The following NEK1 variants were observed in gnomAD, a reference collection of about 807,000 sequenced individuals.
NEK1 encodes NIMA related kinase 1.
Under a neutral mutation model 182.1 loss-of-function variants are expected in NEK1, and 137 were observed. That is an observed-to-expected ratio of 0.75 (90% CI 0.65 to 0.87). NEK1 has a LOEUF of 0.87. NEK1 is among the 40% of genes least tolerant of loss of function. The pLI is 0.00. For synonymous variants in NEK1, 513 were observed against 492.2 expected, an observed-to-expected ratio of 1.04 and a Z score of -0.56; for missense variants, 1,391 against 1,494.4, an observed-to-expected ratio of 0.93 and a Z score of 1.14.
At chr4:169,441,155 C>G (rs1739374453) in intron 27 of NEK1, among the ~76,000 whole-genome samples, 1 of 152,220 alleles carries the variant, frequency 6.6e-6, no homozygotes, top group Admixed American at 6.5e-5. Flanking sequence ...AAAAAGGGAG[C>G]TGAAGCATGT....
intron 16 of NEK1, among the ~76,000 whole-genome samples, chr4:169,559,737 C>T (rs35867013): frequency 0.24 from 36,826 of 152,064 alleles, 4,692 homozygotes; most frequent in South Asian, 0.31. Context: ...AGGCTGGGCA[C>T]GGTGACTCAC....
chr4:169,508,476 A>C (rs1223293534), intron 20 of NEK1, 145 bp from the exon 21 acceptor site: 1 of 603,540 alleles, frequency 1.7e-6, no homozygotes, highest in Non-Finnish European at 2.7e-6. Context: ...TGGAAATGTA[A>C]TATTAGCTTT....
At chr4:169,522,501 A>C (rs1756240543) in intron 19 of NEK1, among the ~76,000 whole-genome samples, 1 of 152,252 alleles carries the variant, frequency 6.6e-6, no homozygotes, top group Admixed American at 6.5e-5. Context: ...GTCAAAGTTT[A>C]GCAATCGGCT....
At chr4:169,539,121 G>A (rs1186025267) in intron 18 of NEK1, among the ~76,000 whole-genome samples, 1 of 152,096 alleles carries the variant, frequency 6.6e-6, no homozygotes, top group Non-Finnish European at 1.5e-5. Context: ...GCTCTCAGAT[G>A]TGTCTGGGTA....
chr4:169,471,792 G>A (rs1746027932), intron 26 of NEK1, among the ~76,000 whole-genome samples: 1 of 152,072 alleles, frequency 6.6e-6, no homozygotes, highest in Admixed American at 6.5e-5. Context: ...TCCTGACTGG[G>A]GCTGCTACCT....
intron 32 of NEK1, among the ~76,000 whole-genome samples, chr4:169,404,025 T>C (rs1732146773): frequency 6.6e-6 from 1 of 152,066 alleles, no homozygotes; most frequent in Non-Finnish European, 1.5e-5. Flanking sequence ...AATTCTGTCA[T>C]CAATTGTTCA....
intron 18 of NEK1, among the ~76,000 whole-genome samples, chr4:169,546,843 C>A (rs1427367374): frequency 1.3e-5 from 2 of 152,164 alleles, no homozygotes; most frequent in African/African-American, 4.8e-5. Context: ...ATTCCTCCAT[C>A]CCTTTATTTT....
At chr4:169,444,324 A>G (rs1740081053) in intron 27 of NEK1, among the ~76,000 whole-genome samples, 1 of 152,184 alleles carries the variant, frequency 6.6e-6, no homozygotes, top group South Asian at 2.1e-4. Flanking sequence ...TAGAAGATAC[A>G]GGTTGGCTGA....
intron 16 of NEK1, among the ~76,000 whole-genome samples, chr4:169,556,891 G>T (rs1762242880): frequency 6.6e-6 from 1 of 152,092 alleles, no homozygotes; most frequent in Non-Finnish European, 1.5e-5. Flanking sequence ...TATATATTTA[G>T]GTATGGAAGG....
chr4:169,428,372 A>ATATATATATATATATATATATG (rs1554029052), intron 29 of NEK1, among the ~76,000 whole-genome samples: 2 of 144,700 alleles, frequency 1.4e-5, no homozygotes, highest in Admixed American at 1.4e-4. Context: ...ATATATATAT[A>ATATATATATATATATATATATG]ATGGAATATT....
intron 2 of NEK1, among the ~76,000 whole-genome samples, chr4:169,606,106 C>T (rs1269277045): frequency 6.6e-6 from 1 of 151,566 alleles, no homozygotes; most frequent in African/African-American, 2.4e-5. Flanking sequence ...TATATAATGT[C>T]AACACTGTTT....
Position 169,463,310 on chromosome 4 carries a change from T to C in NEK1, c.2520A>G (p.Leu840=), listed in dbSNP as rs1744316402. ...GTAGTTCAGCTTCTCCAAGTATCTT[T>C]AGAACAGAATCTGTCGGACTTTTCC... The part of the protein sequence containing the change: ...AWGKSPTDSV[L]KILGEAELQL... Residue 840 remains leucine (L), a synonymous_variant, in exon 27 of 36, where the codon CTA becomes CTG. Transcript: ENST00000507142. 6.2e-7 allele frequency: 1 copy of C among 1,609,310 alleles called. No individual in the cohort carries two copies. Among genetic ancestry groups the C allele is most frequent in the East Asian group, 2.2e-5 (1 of 44,698 alleles).
At chr4:169,583,136 T>TA (rs1234450171) in intron 10 of NEK1, among the ~76,000 whole-genome samples, 2 of 151,700 alleles carry the variant, frequency 1.3e-5, no homozygotes, top group Non-Finnish European at 2.9e-5. Flanking sequence ...TTATAGCCTT[T>TA]AAAAAAAGGT....
intron 12 of NEK1, among the ~76,000 whole-genome samples, chr4:169,569,862 C>T (rs1227872084): frequency 3.9e-5 from 6 of 152,212 alleles, no homozygotes; most frequent in African/African-American, 1.4e-4. Flanking sequence ...CTCCCAGCCG[C>T]CTGCCTTGGC....
At chr4:169,609,962 T>G (rs1772038116) in intron 2 of NEK1, among the ~76,000 whole-genome samples, 1 of 152,052 alleles carries the variant, frequency 6.6e-6, no homozygotes, top group African/African-American at 2.4e-5. Context: ...CAGAAAAAAG[T>G]ACCTCAGCCT....
Position 169,611,828 on chromosome 4 carries a change from C to T in NEK1, c.-49+192G>A, listed in dbSNP as rs114367794. Among the ~76,000 whole-genome samples the T allele has an allele frequency of 3.7e-3, 565 of 152,224 alleles. 6 individuals carry two copies. Among genetic ancestry groups the T allele is most frequent in the African/African-American group, 0.012 (506 of 41,534 alleles). On this transcript the variant is annotated intron_variant, in intron 2 of 35. Coordinates refer to ENST00000507142, the MANE Select transcript of NEK1 (RefSeq NM_001199397.3). Reference sequence around the variant, plus strand: ...TTACCGCTCTAGTTTTTAAAAATACCGTAATGTCCAAGAATCGCTTTGTTA... The same window carrying T: ...TTACCGCTCTAGTTTTTAAAAATACTGTAATGTCCAAGAATCGCTTTGTTA...
At chr4:169,578,269 C>CCT (rs1766037950) in intron 11 of NEK1, among the ~76,000 whole-genome samples, 1 of 151,882 alleles carries the variant, frequency 6.6e-6, no homozygotes, top group African/African-American at 2.4e-5. Flanking sequence ...CTACATAAAC[C>CCT]CTTATTGAAA....
At chr4:169,588,083 G>A (rs1767820982) in intron 8 of NEK1, among the ~76,000 whole-genome samples, 1 of 152,078 alleles carries the variant, frequency 6.6e-6, no homozygotes, top group Non-Finnish European at 1.5e-5. Flanking sequence ...TGGTAGAATT[G>A]CTCTTTCTAC....
At chr4:169,492,250 A>C (rs1292053520) in intron 23 of NEK1, among the ~76,000 whole-genome samples, 4 of 152,256 alleles carry the variant, frequency 2.6e-5, no homozygotes, top group Non-Finnish European at 2.9e-5. Context: ...CGGACATCTC[A>C]TGCCCGTTCT....
Sources: allele counts gnomAD v4.1 joint callset (sites outside exome capture counted in the v4.1 genomes callset), GRCh38; gene constraint gnomAD v4.1.1; transcripts MANE v1.5; gene names NCBI Gene and HGNC (gene_info 2026-07-23, HGNC 2026-07-21).